Variants in SPOCK3 observed in about 807,000 individuals in gnomAD.
SPOCK3 encodes the protein SPARC (osteonectin), cwcv and kazal like domains proteoglycan 3.
A neutral mutation model predicts 56.6 loss-of-function variants in SPOCK3; 30 were observed. The ratio of observed to expected loss-of-function variants is 0.53; its 90% confidence interval spans 0.40 to 0.72. The LOEUF (loss-of-function observed/expected upper bound fraction) is 0.72. Ranked by LOEUF, SPOCK3 falls within the 30% of genes least tolerant of loss-of-function variation. The probability of loss-of-function intolerance (pLI) is 0.00; values close to 1 mark genes in which losing one functional copy is unlikely to be tolerated. For missense variants in SPOCK3, 527 were observed against 530.0 expected (o/e 0.99, Z 0.06); for synonymous variants, 196 against 183.3 (o/e 1.07, Z -0.56).
At chr4:167,140,956 T>C (rs1000579576) in intron 2 of SPOCK3, among the ~76,000 whole-genome samples, 1 of 152,016 alleles carries the variant, frequency 6.6e-6, no homozygotes, top group Non-Finnish European at 1.5e-5. Flanking sequence ...ATATACCTTT[T>C]TTCTTGTTAA....
Position 167,074,620 on chromosome 4 carries a change from C to T in SPOCK3, c.190-12083G>A, listed in dbSNP as rs193220114. On this transcript the variant is annotated intron_variant, in intron 2 of 10. Transcript: ENST00000357545. ...TTAAAGCTGATTTCAAAATGACATC[C>T]TATCGCTATAGCATTGTTTTTGGAG... 4.6e-5 allele frequency among the ~76,000 whole-genome samples: 7 copies of T among 151,916 alleles called. No individual in the cohort carries two copies. In the East Asian group the frequency reaches 1.4e-3, roughly 30 times the overall value.
intron 6 of SPOCK3, among the ~76,000 whole-genome samples, chr4:166,860,630 A>G (rs1731128124): frequency 6.6e-6 from 1 of 151,702 alleles, no homozygotes; most frequent in Non-Finnish European, 1.5e-5. Flanking sequence ...CACACATTCA[A>G]TAAAGAATCA....
At chr4:166,868,813 C>T (rs1477081136) in intron 6 of SPOCK3, among the ~76,000 whole-genome samples, 1 of 152,030 alleles carries the variant, frequency 6.6e-6, no homozygotes, top group East Asian at 1.9e-4. Flanking sequence ...GAATCAGGGC[C>T]TATTTAAATT....
chr4:167,001,705 C>A (rs971026471), intron 3 of SPOCK3, among the ~76,000 whole-genome samples: 1 of 151,570 alleles, frequency 6.6e-6, no homozygotes, highest in Admixed American at 6.6e-5. Flanking sequence ...TTGGTACATG[C>A]CAAAAGTGAG....
chr4:166,975,364 T>G (rs1049328885), intron 4 of SPOCK3, among the ~76,000 whole-genome samples: 1 of 152,168 alleles, frequency 6.6e-6, no homozygotes, highest in Non-Finnish European at 1.5e-5. Context: ...ATTTTTAATG[T>G]TTAATTTTTA....
At chr4:167,081,981 T>C (rs941792453) in intron 2 of SPOCK3, among the ~76,000 whole-genome samples, 1 of 152,006 alleles carries the variant, frequency 6.6e-6, no homozygotes, top group African/African-American at 2.4e-5. Context: ...TTCATGCATG[T>C]CTCTTATCAA....
At chr4:166,848,753 T>C (rs964613531) in intron 6 of SPOCK3, among the ~76,000 whole-genome samples, 5 of 152,166 alleles carry the variant, frequency 3.3e-5, no homozygotes, top group Admixed American at 2.6e-4. Context: ...AGCCGGCCAG[T>C]GTTTGAGGAG....
intron 7 of SPOCK3, among the ~76,000 whole-genome samples, chr4:166,762,139 A>T (rs905875645): frequency 7.2e-5 from 11 of 152,072 alleles, no homozygotes; most frequent in African/African-American, 2.7e-4. Flanking sequence ...ATAGAATCAA[A>T]ACAGAGTTAT....
intron 2 of SPOCK3, among the ~76,000 whole-genome samples, chr4:167,147,182 C>T (rs1764033295): frequency 6.6e-6 from 1 of 152,086 alleles, no homozygotes; most frequent in East Asian, 1.9e-4. Context: ...ATTATAATAC[C>T]TCTATGCAAA....
At chr4:167,120,134 G>T (rs757495809) in intron 2 of SPOCK3, among the ~76,000 whole-genome samples, 12 of 152,126 alleles carry the variant, frequency 7.9e-5, no homozygotes, top group Non-Finnish European at 1.8e-4. Flanking sequence ...ATTTCAAGAG[G>T]CACAATAATT....
chr4:167,031,273 A>C (rs1425122762), intron 3 of SPOCK3, among the ~76,000 whole-genome samples: 1 of 152,020 alleles, frequency 6.6e-6, no homozygotes, highest in Non-Finnish European at 1.5e-5. Flanking sequence ...GTTATAGCCT[A>C]AATATTATCA....
intron 4 of SPOCK3, among the ~76,000 whole-genome samples, chr4:166,915,575 G>T (rs896530675): frequency 2.6e-5 from 4 of 151,980 alleles, no homozygotes; most frequent in Non-Finnish European, 5.9e-5. Context: ...TATTTTGAAG[G>T]CCCCATTTAA....
chr4:166,876,317 T>C (rs903803723), intron 6 of SPOCK3, among the ~76,000 whole-genome samples: 13 of 152,272 alleles, frequency 8.5e-5, no homozygotes, highest in African/African-American at 3.1e-4. Flanking sequence ...TTCTTACAAT[T>C]TGAGACTAAA....
At chr4:166,762,842 A>G (rs1389557198) in intron 7 of SPOCK3, among the ~76,000 whole-genome samples, 1 of 152,120 alleles carries the variant, frequency 6.6e-6, no homozygotes, top group East Asian at 1.9e-4. Flanking sequence ...GACCTTATCC[A>G]AAATAAAGCA....
At chr4:167,139,711 A>G (rs1447350881) in intron 2 of SPOCK3, among the ~76,000 whole-genome samples, 1 of 152,044 alleles carries the variant, frequency 6.6e-6, no homozygotes, top group Non-Finnish European at 1.5e-5. Context: ...AATTTCAGTT[A>G]TTTCCCTGAA....
At chr4:167,161,548 C>T (rs570508265) in intron 2 of SPOCK3, among the ~76,000 whole-genome samples, 17 of 152,080 alleles carry the variant, frequency 1.1e-4, no homozygotes, top group Non-Finnish European at 2.2e-4. Flanking sequence ...GGGTATATAC[C>T]CAAAGGATTA....
chr4:166,956,349 A>T (rs1229693013), intron 4 of SPOCK3, among the ~76,000 whole-genome samples: 1 of 152,172 alleles, frequency 6.6e-6, no homozygotes, highest in Non-Finnish European at 1.5e-5. Context: ...ATATGCCAGC[A>T]ACACTGTGCT....
At chr4:167,067,747 TC>T (rs1358630389) in intron 2 of SPOCK3, among the ~76,000 whole-genome samples, 6 of 151,768 alleles carry the variant, frequency 4.0e-5, no homozygotes, top group Non-Finnish European at 5.9e-5. Context: ...AAAATGAACA[TC>T]TTAGCAATAT....
chr4:166,857,904 A>G (rs1332403189), intron 6 of SPOCK3, among the ~76,000 whole-genome samples: 7 of 152,142 alleles, frequency 4.6e-5, no homozygotes, highest in Admixed American at 4.6e-4. Context: ...CTCCTTTTCT[A>G]TGTATCTTGG....
Sources: allele counts gnomAD v4.1 joint callset (sites outside exome capture counted in the v4.1 genomes callset), GRCh38; gene constraint gnomAD v4.1.1; transcripts MANE v1.5; gene names NCBI Gene and HGNC (gene_info 2026-07-23, HGNC 2026-07-21).